The following ASH1L variants were observed in gnomAD, a reference collection of about 807,000 sequenced individuals.
The protein encoded by ASH1L is histone-lysine N-methyltransferase ASH1L.
ASH1L carries 23 observed loss-of-function variants against 269.0 expected under a neutral mutation model. The observed-to-expected ratio is 0.09, with a 90% CI of 0.06 to 0.12. The LOEUF (loss-of-function observed/expected upper bound fraction) is 0.12. ASH1L is among the 10% of genes least tolerant of loss of function. The pLI is 1.00. For missense variants in ASH1L, 2,912 were observed against 3,567.8 expected, an observed-to-expected ratio of 0.82 and a Z score of 4.68; for synonymous variants, 1,187 against 1,253.5, an observed-to-expected ratio of 0.95 and a Z score of 1.12.
rs746594888 is a variant in ASH1L, at chr1:155,360,376, A to G, written c.6720T>C (p.Tyr2240=). The change falls in exon 13 of 28, where the codon TAT becomes TAC. Residue 2240 remains tyrosine (Y), a synonymous_variant. Coordinates refer to ENST00000392403, the MANE Select transcript of ASH1L (RefSeq NM_018489.3). ...SVNGVYRIGL[Y]ALKDMPAGTE... ...TCCCAGCTGGCATGTCTTTAAGAGCATAGAGTCCAATCCGGTATACTCCAT... is the reference window on the plus strand; with the variant it reads ...TCCCAGCTGGCATGTCTTTAAGAGCGTAGAGTCCAATCCGGTATACTCCAT... 43 of 1,612,790 alleles carry G rather than the reference A, an allele frequency of 2.7e-5. No homozygotes were observed. Among genetic ancestry groups the G allele is most frequent in the South Asian group, 1.6e-4 (15 of 91,070 alleles).
At chr1:155,360,502 G>A in intron 12 of ASH1L, 93 bp from the exon 13 acceptor site, 1 of 738,038 alleles carries the variant, frequency 1.4e-6, no homozygotes, top group Non-Finnish European at 2.3e-6. Flanking sequence ...GGAGTGCAGT[G>A]GTGCGATCTT....
At chr1:155,366,854 T>C (rs1347902431) in intron 12 of ASH1L, among the ~76,000 whole-genome samples, 1 of 152,080 alleles carries the variant, frequency 6.6e-6, no homozygotes, top group African/African-American at 2.4e-5. Flanking sequence ...GTATTTTAAG[T>C]AGAGACAGGG....
chr1:155,434,398 G>A lies in ASH1L; in HGVS notation c.5828+3929C>T, dbSNP rs1661903747. On this transcript the variant is annotated intron_variant, in intron 5 of 27. Coordinates refer to ENST00000392403, the MANE Select transcript of ASH1L (RefSeq NM_018489.3). ...GGAATTGGGAACACAAAGGGTGGGGGCAGGGGAGTTTGGGGCAACTGGTTG... is the reference window on the plus strand; with the variant it reads ...GGAATTGGGAACACAAAGGGTGGGGACAGGGGAGTTTGGGGCAACTGGTTG... The A allele has an allele frequency of 7.8e-6, 10 of 1,288,664 alleles. No homozygotes were observed. The Admixed American group carries it at 1.7e-4, about 22-fold the overall frequency. The allele number at this position is 1,288,664 out of a possible 1,614,324, so 79.8% of individuals were successfully genotyped here.
chr1:155,469,156 A>G (rs1169054692), intron 3 of ASH1L, among the ~76,000 whole-genome samples: 4 of 151,920 alleles, frequency 2.6e-5, no homozygotes, highest in East Asian at 1.9e-4. Context: ...CCAATCTCCC[A>G]TAACACTTGA....
Position 155,341,824 on chromosome 1 carries a change from G to A in ASH1L, c.8460+112C>T, listed in dbSNP as rs149434963. On this transcript the variant is annotated intron_variant, in intron 25 of 27. Coordinates refer to ENST00000392403, the MANE Select transcript of ASH1L (RefSeq NM_018489.3). ...AGAGACAGAGATATCCATAGTTTGG[G>A]ATGGAATTTGGATGAAGAAGCAGAG... 3,440 of 1,091,020 alleles carry A rather than the reference G, an allele frequency of 3.2e-3. 28 individuals are homozygous for A. The highest frequency in any genetic ancestry group is 0.021 in the South Asian group (1,454 of 70,606). 67.6% of individuals were successfully genotyped at this position (1,091,020 alleles called of 1,614,324 possible). A position where few individuals can be genotyped will look rare whatever the true frequency, so the allele number is the denominator to read the frequency against.
intron 1 of ASH1L, 71 bp downstream of exon 1, chr1:155,562,082 C>G: frequency 9.5e-7 from 1 of 1,052,468 alleles, no homozygotes. Context: ...ACAGTGGCTC[C>G]CAGAAAGCCC....
At chr1:155,370,438 A>G in intron 12 of ASH1L, 66 bp downstream of exon 12, 2 of 1,596,450 alleles carry the variant, frequency 1.3e-6, no homozygotes, top group Non-Finnish European at 1.7e-6. Context: ...TGGAAAGATC[A>G]ATCCCTTGCT....
At chr1:155,551,432 G>A (rs545820215) in intron 1 of ASH1L, among the ~76,000 whole-genome samples, 36 of 147,248 alleles carry the variant, frequency 2.4e-4, no homozygotes, top group South Asian at 8.7e-4. Context: ...AGGCCGAGGC[G>A]GGCGGATCAC....
In ASH1L at chr1:155,562,366, C is replaced by T. The variant is rs775160539; in HGVS notation, c.-313G>A. 42 of 1,520,382 alleles carry T rather than the reference C, an allele frequency of 2.8e-5. No individual in the cohort carries two copies. Among genetic ancestry groups the T allele is most frequent in the East Asian group, 4.8e-5 (2 of 41,784 alleles). 94.2% of individuals were successfully genotyped at this position (1,520,382 alleles called of 1,614,324 possible). On this transcript the variant is annotated 5_prime_UTR_variant, in exon 1 of 28. Coordinates refer to ENST00000392403, the MANE Select transcript of ASH1L (RefSeq NM_018489.3). ...GGGGGCAAACTGAGGGGAGGCGGGT[C>T]CCGCAACCGAGACTGGGATCGTCTC...
At chr1:155,371,446 G>A (rs1321801680) in intron 10 of ASH1L, among the ~76,000 whole-genome samples, 1 of 152,132 alleles carries the variant, frequency 6.6e-6, no homozygotes, top group Non-Finnish European at 1.5e-5. Flanking sequence ...TACTTGGGAG[G>A]CTGAGGCAGG....
At chr1:155,456,195 T>C (rs1292481151) in intron 4 of ASH1L, among the ~76,000 whole-genome samples, 1 of 152,206 alleles carries the variant, frequency 6.6e-6, no homozygotes, top group South Asian at 2.1e-4. Flanking sequence ...AGAAATGTTG[T>C]CCATGTATTT....
chr1:155,398,143 A>G (rs1393256386), intron 6 of ASH1L, among the ~76,000 whole-genome samples: 1 of 152,250 alleles, frequency 6.6e-6, no homozygotes, highest in African/African-American at 2.4e-5. Flanking sequence ...ACTATAACAT[A>G]GATGTACTTA....
In ASH1L at chr1:155,480,426, A is replaced by G. The variant is rs1665868186; in HGVS notation, c.2444T>C (p.Val815Ala). 6.2e-7 allele frequency: 1 copy of G among 1,614,108 alleles called. No homozygotes were observed. The highest frequency in any genetic ancestry group is 8.5e-7 in the Non-Finnish European group (1 of 1,179,974). Residue 815 changes from valine to alanine, a missense_variant, in exon 3 of 28, where the codon GTC becomes GCC. Val to Ala is a moderately conservative substitution (Grantham distance 64, BLOSUM62 0). Around this residue, in one of 13 missense-constraint regions of ASH1L, gnomAD observed 715 missense variants for 721.0 expected, o/e 0.99. Transcript: ENST00000392403. ...AATATCAGACAAAAGGTCACTAGAG[A>G]CACACATACTGGAGGATAGTTTGTG... Reference protein sequence around the residue: ...ATHKLSSSMCVSSDLLSDIYK... With the variant: ...ATHKLSSSMCASSDLLSDIYK...
At chr1:155,495,393 C>A (rs1667076752) in intron 2 of ASH1L, among the ~76,000 whole-genome samples, 1 of 152,144 alleles carries the variant, frequency 6.6e-6, no homozygotes, top group Admixed American at 6.5e-5. Flanking sequence ...GGCTACTAAC[C>A]TGTACAGCGT....
upstream of ASH1L, chr1:155,562,946 C>T: frequency 2.2e-6 from 1 of 456,972 alleles, no homozygotes; most frequent in Non-Finnish European, 4.4e-6. Flanking sequence ...CCCACAATCC[C>T]CCCCGCGGGA....
chr1:155,506,906 C>T (rs1321116917), intron 2 of ASH1L, among the ~76,000 whole-genome samples: 5 of 152,030 alleles, frequency 3.3e-5, no homozygotes, highest in African/African-American at 1.2e-4. Context: ...CCAGCCTGGC[C>T]AACATAGCCA....
intron 25 of ASH1L, among the ~76,000 whole-genome samples, chr1:155,339,642 G>A (rs764007381): frequency 6.6e-6 from 1 of 152,100 alleles, no homozygotes; most frequent in East Asian, 1.9e-4. Context: ...GGGGTCATAC[G>A]GGGATATGTT....
At position 155,478,443 on chromosome 1, in the gene ASH1L, C is replaced by T. The variant is rs1293706086; in HGVS notation, c.4427G>A (p.Gly1476Asp). 6.2e-7 allele frequency: 1 copy of T among 1,614,092 alleles called. No individual in the cohort carries two copies. The highest frequency in any genetic ancestry group is 1.1e-5 in the South Asian group (1 of 91,072). Reference protein sequence around the residue: ...YPSVPPEMAYGWMVEHKHRHR... With the variant: ...YPSVPPEMAYDWMVEHKHRHR... The stretch of plus-strand genomic sequence containing the variant: ...CCTGTGTTTGTGCTCAACCATCCAA[C>T]CATAGGCCATCTCAGGAGGAACACT... Residue 1476 changes from glycine to aspartate, a missense_variant, in exon 3 of 28, where the codon GGT becomes GAT. Transcript: ENST00000392403. This position sits in a 1 kb window ranked among gnomAD's most constrained non-coding sequence, Gnocchi z 4.6.
intron 5 of ASH1L, among the ~76,000 whole-genome samples, chr1:155,426,857 G>A (rs1195387016): frequency 3.3e-5 from 5 of 152,176 alleles, no homozygotes; most frequent in African/African-American, 1.2e-4. Context: ...AGGGTCAACT[G>A]TATTTAATCA....
Sources: allele counts gnomAD v4.1 joint callset (sites outside exome capture counted in the v4.1 genomes callset), GRCh38; gene constraint gnomAD v4.1.1; regional missense constraint gnomAD v4.1.1; non-coding constraint Gnocchi (gnomAD v3.1); transcripts MANE v1.5; gene names NCBI Gene and HGNC (gene_info 2026-07-23, HGNC 2026-07-21).